The following RSPO2 variants were observed in gnomAD, a reference collection of about 807,000 sequenced individuals.
RSPO2 encodes the protein R-spondin 2.
RSPO2 carries 14 observed loss-of-function variants against 30.9 expected under a neutral mutation model. The observed-to-expected ratio is 0.45, with a 90% CI of 0.30 to 0.71. The LOEUF (loss-of-function observed/expected upper bound fraction) is 0.71, where lower values mean the gene tolerates loss of function less well. Among genes scored for constraint, RSPO2 ranks in the 30% least tolerant of loss-of-function variants. The pLI is 0.08. For synonymous variants in RSPO2, 107 were observed against 96.4 expected (o/e 1.11, Z -0.64); for missense variants, 264 against 301.9 (o/e 0.87, Z 0.93).
At chr8:108,009,621 T>C (rs1238658259) in intron 2 of RSPO2, among the ~76,000 whole-genome samples, 1 of 152,216 alleles carries the variant, frequency 6.6e-6, no homozygotes, top group African/African-American at 2.4e-5. Context: ...ATTCAAATGC[T>C]CAAGTGGAAT....
At chr8:108,021,948 GA>G (rs1180123720) in intron 2 of RSPO2, among the ~76,000 whole-genome samples, 1 of 152,006 alleles carries the variant, frequency 6.6e-6, no homozygotes, top group South Asian at 2.1e-4. Context: ...ATAAAAAAAA[GA>G]AAGAAAAAAT....
At chr8:107,996,892 A>G in intron 2 of RSPO2, 1 of 453,582 alleles carries the variant, frequency 2.2e-6, no homozygotes, top group South Asian at 1.6e-5. Context: ...AACAATGAAA[A>G]TGAATTAGGG....
intron 2 of RSPO2, among the ~76,000 whole-genome samples, chr8:108,059,437 A>G (rs559679197): frequency 2.0e-5 from 3 of 151,658 alleles, no homozygotes; most frequent in Non-Finnish European, 4.4e-5. Context: ...TGTGGAAGTC[A>G]GTGTGGCGAT....
intron 3 of RSPO2, among the ~76,000 whole-genome samples, chr8:107,986,488 T>C (rs1264161376): frequency 6.6e-6 from 1 of 152,180 alleles, no homozygotes. Context: ...TAAGCCAAAA[T>C]GTGCTATTAA....
At chr8:108,009,534 C>T (rs894367395) in intron 2 of RSPO2, among the ~76,000 whole-genome samples, 3 of 152,156 alleles carry the variant, frequency 2.0e-5, no homozygotes, top group Admixed American at 6.5e-5. Flanking sequence ...AAGTCACACA[C>T]ATTACATGTG....
intron 5 of RSPO2, among the ~76,000 whole-genome samples, chr8:107,943,495 T>C (rs754552740): frequency 4.6e-5 from 7 of 152,234 alleles, no homozygotes; most frequent in African/African-American, 7.2e-5. Context: ...ACTGATGTTA[T>C]AGTTTTGCAA....
chr8:108,074,509 C>G (rs1454281005), intron 2 of RSPO2, among the ~76,000 whole-genome samples: 1 of 152,146 alleles, frequency 6.6e-6, no homozygotes, highest in Non-Finnish European at 1.5e-5. Context: ...ATTACCAATG[C>G]AAGTATGCAA....
rs1210098228 is a variant in RSPO2, at chr8:108,083,279, G to A, written c.-252C>T. On this transcript the variant is annotated 5_prime_UTR_variant, in exon 1 of 6. The change creates a new upstream start codon in the 5' untranslated region. Transcript: ENST00000276659. ...GGGAAGCGAGCCGCTTGGTTAGCAC[G>A]TGGGCTGGGGAAAAGTTTGCCGAGA... is the stretch of plus-strand genomic sequence containing the variant. The A allele has an allele frequency of 2.0e-5, 3 of 152,364 alleles. No individual in the cohort carries two copies. The highest frequency in any genetic ancestry group is 4.8e-5 in the African/African-American group (2 of 41,600). The allele number at this position is 152,364 out of a possible 1,614,324, so 9.4% of individuals were successfully genotyped here.
intron 3 of RSPO2, among the ~76,000 whole-genome samples, chr8:107,971,943 C>CTAG (rs1814014097): frequency 2.0e-5 from 3 of 152,130 alleles, no homozygotes; most frequent in Non-Finnish European, 4.4e-5. Flanking sequence ...CTCCCAACAC[C>CTAG]CAGATACCTA....
intron 2 of RSPO2, among the ~76,000 whole-genome samples, chr8:108,023,978 T>C (rs1193090698): frequency 6.6e-6 from 1 of 152,112 alleles, no homozygotes; most frequent in South Asian, 2.1e-4. Context: ...CCAGGAAGCA[T>C]AAGGGCTCTT....
intron 2 of RSPO2, among the ~76,000 whole-genome samples, chr8:108,019,364 T>C (rs533791080): frequency 6.6e-6 from 1 of 151,852 alleles, no homozygotes; most frequent in East Asian, 1.9e-4. Flanking sequence ...AAAAAAATAA[T>C]AATAAATTAA....
rs1312739300 is a variant in RSPO2, at chr8:107,958,140, G to C, written c.556C>G (p.Leu186Val). 1.2e-6 allele frequency: 2 copies of C among 1,613,382 alleles called. No homozygotes were observed. Among genetic ancestry groups the C allele is most frequent in the Non-Finnish European group, 1.7e-6 (2 of 1,179,492 alleles). The change falls in exon 5 of 6, where the codon CTG (leucine) becomes GTG (valine). Residue 186 changes from leucine (L) to valine (V), a missense_variant. Leu to Val is a conservative substitution (Grantham distance 32). Transcript: ENST00000276659. Reference protein sequence around the residue: ...IVKKPVKDTILCPTIAESRRC... With the variant: ...IVKKPVKDTIVCPTIAESRRC... ...CTGGATTCAGCAATGGTTGGACACA[G>C]TATTGTGTCTTTCACTGGCTTTTTA...
chr8:108,001,751 G>GAA (rs569731624), intron 2 of RSPO2, among the ~76,000 whole-genome samples: 1 of 149,320 alleles, frequency 6.7e-6, no homozygotes, highest in African/African-American at 2.5e-5. Flanking sequence ...ATCAGTGAGG[G>GAA]AAAAAAAAAA....
chr8:107,936,966 T>G (rs1047781717), intron 5 of RSPO2, among the ~76,000 whole-genome samples: 2 of 152,168 alleles, frequency 1.3e-5, no homozygotes, highest in African/African-American at 4.8e-5. Context: ...GTTGTTTCCT[T>G]GGCTGTGCAG....
rs192960045 is a variant in RSPO2, at chr8:108,082,860, G to C, written c.-169-53C>G. The stretch of plus-strand genomic sequence containing the variant: ...GTGTGGGGGATGGAGAGAGCCCCGG[G>C]GAGGCAGCTGCGCCTTCGCACGTCC... On this transcript the variant is annotated intron_variant, in intron 1 of 5. Transcript: ENST00000276659. 6.4e-4 allele frequency: 328 copies of C among 511,786 alleles called. 1 individual carries two copies. Among genetic ancestry groups the C allele is most frequent in the Middle Eastern group, 5.9e-3 (12 of 2,018 alleles). The allele number at this position is 511,786 out of a possible 1,614,324, so 31.7% of individuals were successfully genotyped here.
chr8:108,055,135 A>G (rs185789022), intron 2 of RSPO2, among the ~76,000 whole-genome samples: 93 of 151,320 alleles, frequency 6.1e-4, no homozygotes, highest in Admixed American at 1.4e-3. Context: ...GAAAAAGAAA[A>G]GAAAACAGAA....
Position 108,038,421 on chromosome 8 carries a change from C to T in RSPO2, c.94+44124G>A, listed in dbSNP as rs1309701909. Among the ~76,000 whole-genome samples, 9 of 152,198 alleles carry T rather than the reference C, an allele frequency of 5.9e-5. No homozygotes were observed. In the East Asian group the frequency reaches 7.7e-4, roughly 13 times the overall value. ...CCTGGTGAGAATGCTATAAACATCACGGAAACAACAACAGATGATTTAGAA... is the reference window on the plus strand; with the variant it reads ...CCTGGTGAGAATGCTATAAACATCATGGAAACAACAACAGATGATTTAGAA... On this transcript the variant is annotated intron_variant, in intron 2 of 5. Transcript: ENST00000276659.
At chr8:107,973,767 C>T (rs1489666790) in intron 3 of RSPO2, among the ~76,000 whole-genome samples, 1 of 152,102 alleles carries the variant, frequency 6.6e-6, no homozygotes, top group African/African-American at 2.4e-5. Context: ...GCCTTACTGC[C>T]CATCCCTTCC....
intron 5 of RSPO2, among the ~76,000 whole-genome samples, chr8:107,905,182 G>A (rs1217741585): frequency 1.3e-5 from 2 of 152,020 alleles, no homozygotes; most frequent in African/African-American, 4.8e-5. Context: ...TCCTCTCACT[G>A]GGTATAGGTA....
Sources: allele counts gnomAD v4.1 joint callset (sites outside exome capture counted in the v4.1 genomes callset), GRCh38; gene constraint gnomAD v4.1.1; transcripts MANE v1.5; gene names NCBI Gene and HGNC (gene_info 2026-07-23, HGNC 2026-07-21).